Variants in RIC3 observed in about 807,000 individuals in gnomAD.
RIC3 encodes the protein protein RIC-3.
In RIC3, 28 loss-of-function variants were observed where a neutral mutation model predicts 27.3. The observed-to-expected ratio is 1.02, with a 90% CI of 0.76 to 1.41. The LOEUF (loss-of-function observed/expected upper bound fraction) is 1.41, where lower values mean the gene tolerates loss of function less well. Among genes scored for constraint, RIC3 ranks in the 40% most tolerant of loss-of-function variants. The pLI is 0.00. For missense variants in RIC3, 501 were observed against 444.7 expected (o/e 1.13, Z -1.14); for synonymous variants, 184 against 160.4 (o/e 1.15, Z -1.11).
In RIC3 at chr11:8,108,707, GCT is replaced by G. The variant is rs1389104466; in HGVS notation, c.*1989_*1990del. ...GGTCATAGTTCATTTTATCTGTCAG[GCT>G]CTCTCTCGTCACACTGAGTTTTCTG... On this transcript the variant is annotated 3_prime_UTR_variant, in exon 6 of 6. Transcript: ENST00000309737. 1 of 152,112 alleles carries G rather than the reference GCT, an allele frequency of 6.6e-6. No homozygotes were observed. The highest frequency in any genetic ancestry group is 1.5e-5 in the Non-Finnish European group (1 of 68,026). 9.4% of individuals were successfully genotyped at this position (152,112 alleles called of 1,614,324 possible).
At chr11:8,159,662 C>T (rs1950999092) in intron 1 of RIC3, among the ~76,000 whole-genome samples, 1 of 152,042 alleles carries the variant, frequency 6.6e-6, no homozygotes, top group Non-Finnish European at 1.5e-5. Context: ...TTTTAAATGA[C>T]TAAGACATTT....
chr11:8,119,766 G>A (rs1946247165), intron 5 of RIC3, among the ~76,000 whole-genome samples: 1 of 152,132 alleles, frequency 6.6e-6, no homozygotes, highest in Non-Finnish European at 1.5e-5. Context: ...GCAACCTACA[G>A]AATGGGAGAA....
At chr11:8,095,538 G>C in the RIC3 span, 1 of 1,613,060 alleles carries the variant, frequency 6.2e-7, no homozygotes, top group Non-Finnish European at 8.5e-7. Flanking sequence ...ACAAGTCTGA[G>C]GCCCAAGGCC....
chr11:8,118,561 G>A (rs1474424884), intron 5 of RIC3, among the ~76,000 whole-genome samples: 2 of 119,090 alleles, frequency 1.7e-5, no homozygotes, highest in Non-Finnish European at 3.6e-5. Flanking sequence ...AAAAATTAAT[G>A]CTCAGGCAAG....
intron 3 of RIC3, 67 bp from the exon 4 acceptor site, chr11:8,137,538 A>G: frequency 7.9e-7 from 1 of 1,271,940 alleles, no homozygotes; most frequent in East Asian, 2.3e-5. Flanking sequence ...AGAGACCACA[A>G]ATTTTTAAAA....
intron 5 of RIC3, among the ~76,000 whole-genome samples, chr11:8,125,458 C>G (rs1469592380): frequency 6.6e-6 from 1 of 152,070 alleles, no homozygotes; most frequent in Non-Finnish European, 1.5e-5. Context: ...CTAATCAACC[C>G]AATTTAAAAA....
intron 5 of RIC3, among the ~76,000 whole-genome samples, chr11:8,115,317 A>C (rs1347713773): frequency 6.6e-6 from 1 of 151,740 alleles, no homozygotes; most frequent in Non-Finnish European, 1.5e-5. Flanking sequence ...ACAAAAACAA[A>C]AAAAAAAAAG....
intron 5 of RIC3, among the ~76,000 whole-genome samples, chr11:8,112,298 T>TC (rs927177770): frequency 2.0e-5 from 3 of 151,176 alleles, no homozygotes; most frequent in African/African-American, 7.3e-5. Flanking sequence ...TCTTTTCTTT[T>TC]TTTTTTTTTG....
chr11:8,138,762 A>G, intron 2 of RIC3: 1 of 228,440 alleles, frequency 4.4e-6, no homozygotes, highest in South Asian at 7.4e-5. Context: ...AGCAAGCATG[A>G]GGTCATAGCC....
At position 8,133,598 on chromosome 11, in the gene RIC3, T is replaced by C. The variant is rs536359345; in HGVS notation, c.521+3780A>G. On this transcript the variant is annotated intron_variant, in intron 4 of 5. Coordinates refer to ENST00000309737, the MANE Select transcript of RIC3 (RefSeq NM_001206671.4). ...TTGCCATGCTGCAGGCTTCAATCAA[T>C]ATGTTCCCAAGAAGTCCACAACTCA... 7.9e-5 allele frequency among the ~76,000 whole-genome samples: 12 copies of C among 152,308 alleles called. No homozygotes were observed. In the South Asian group the frequency reaches 2.3e-3, roughly 29 times the overall value.
chr11:8,120,810 G>A (rs1433154611), intron 5 of RIC3, among the ~76,000 whole-genome samples: 1 of 151,908 alleles, frequency 6.6e-6, no homozygotes, highest in Non-Finnish European at 1.5e-5. Flanking sequence ...AGCAGACCAG[G>A]ATAAGATTTC....
intron 5 of RIC3, among the ~76,000 whole-genome samples, chr11:8,123,124 C>G (rs537981151): frequency 1.3e-5 from 2 of 151,576 alleles, no homozygotes; most frequent in African/African-American, 4.8e-5. Flanking sequence ...GGGTTAGATA[C>G]AGTAGAAGAA....
At chr11:8,124,537 T>C (rs1447927188) in intron 5 of RIC3, among the ~76,000 whole-genome samples, 1 of 152,182 alleles carries the variant, frequency 6.6e-6, no homozygotes, top group Non-Finnish European at 1.5e-5. Context: ...GACAAACTGA[T>C]TGTAAATTTA....
intron 5 of RIC3, among the ~76,000 whole-genome samples, chr11:8,115,098 A>C (rs1011747387): frequency 3.3e-5 from 5 of 152,160 alleles, no homozygotes; most frequent in African/African-American, 9.6e-5. Flanking sequence ...GAAGGTCAAA[A>C]GTCTCCAATC....
chr11:8,154,005 G>A (rs1950461985), intron 1 of RIC3, among the ~76,000 whole-genome samples: 1 of 152,060 alleles, frequency 6.6e-6, no homozygotes, highest in Non-Finnish European at 1.5e-5. Context: ...TCACCTCTTG[G>A]ATCTTGGTAC....
the RIC3 span, chr11:8,095,369 A>G: frequency 6.4e-5 from 59 of 924,994 alleles, no homozygotes; most frequent in Non-Finnish European, 9.1e-5. Context: ...TTTTATAAAA[A>G]TCACTTTTGC....
rs1450911186 is a variant in RIC3, at chr11:8,107,641, C to G, written c.*3057G>C. ...CGTTGATTCTACAGGCCAAATACAC[C>G]TCCACTCCTCATCACGACTCCCTGG... On this transcript the variant is annotated 3_prime_UTR_variant, in exon 6 of 6. Transcript: ENST00000309737. 1.3e-5 allele frequency: 2 copies of G among 152,170 alleles called. No homozygotes were observed. The highest frequency in any genetic ancestry group is 4.8e-5 in the African/African-American group (2 of 41,420). The allele number at this position is 152,170 out of a possible 1,614,324, so 9.4% of individuals were successfully genotyped here.
chr11:8,105,094 G>A (rs976145752), downstream of RIC3: 13 of 152,194 alleles, frequency 8.5e-5, no homozygotes, highest in African/African-American at 2.7e-4. Context: ...GAGATGCTGG[G>A]ATAGCCATTT....
chr11:8,104,735 T>G (rs1424167358), downstream of RIC3: 1 of 151,812 alleles, frequency 6.6e-6, no homozygotes, highest in African/African-American at 2.4e-5. Flanking sequence ...ATGCTTTTGG[T>G]TGAAATTGAA....
Sources: gnomAD v4.1 joint callset for allele counts (sites outside exome capture counted in the v4.1 genomes callset) on GRCh38, gnomAD v4.1.1 for gene constraint, MANE v1.5 for transcripts, NCBI Gene and HGNC (gene_info 2026-07-23, HGNC 2026-07-21) for gene names.